The following PHGDH variants were observed in gnomAD, a reference collection of about 807,000 sequenced individuals.
The protein encoded by PHGDH is phosphoglycerate dehydrogenase.
Under a neutral mutation model 52.6 loss-of-function variants are expected in PHGDH, and 50 were observed. That is an observed-to-expected ratio of 0.95 (90% CI 0.76 to 1.20). The LOEUF (loss-of-function observed/expected upper bound fraction) is 1.20. Ranked by LOEUF, PHGDH falls within the 50% of genes most tolerant of loss-of-function variation. The pLI is 0.00. For missense variants in PHGDH, 630 were observed against 684.6 expected (o/e 0.92, Z 0.89); for synonymous variants, 271 against 280.5 (o/e 0.97, Z 0.34).
chr1:119,735,625 G>C (rs376605511), intron 7 of PHGDH, among the ~76,000 whole-genome samples, 182 bp downstream of exon 7: 5 of 152,240 alleles, frequency 3.3e-5, no homozygotes, highest in Non-Finnish European at 7.3e-5. Context: ...TCCTTGCGGA[G>C]CCTGGTATGG....
intron 5 of PHGDH, among the ~76,000 whole-genome samples, chr1:119,730,298 A>C (rs748809898): frequency 9.2e-5 from 14 of 152,216 alleles, no homozygotes; most frequent in Non-Finnish European, 1.9e-4. Flanking sequence ...AACCATTATT[A>C]AACTGGTAGA....
chr1:119,734,683 G>A lies in PHGDH; in HGVS notation c.560G>A (p.Gly187Asp), dbSNP rs764943870. The A allele has an allele frequency of 3.1e-6, 5 of 1,614,118 alleles. No individual in the cohort carries two copies. The highest frequency in any genetic ancestry group is 1.3e-5 in the African/African-American group (1 of 75,030). ...IISPEVSASFGVQQLPLEEIW... is the reference protein window; with the variant it reads ...IISPEVSASFDVQQLPLEEIW... ...TCCCCAGAGGTCTCGGCCTCCTTTG[G>A]TGTTCAGCAGCTGCCCCTGGAGGAG... is the stretch of plus-strand genomic sequence containing the variant. The change falls in exon 6 of 12, where the codon GGT (glycine) becomes GAT (aspartate). Residue 187 changes from glycine (G) to aspartate (D), a missense_variant. Coordinates refer to ENST00000641023, the MANE Select transcript of PHGDH (RefSeq NM_006623.4).
intron 7 of PHGDH, among the ~76,000 whole-genome samples, chr1:119,736,191 G>T (rs1378607947): frequency 1.3e-5 from 2 of 152,194 alleles, no homozygotes; most frequent in Non-Finnish European, 2.9e-5. Context: ...TGTACTCCCA[G>T]CCCAGGGCAC....
chr1:119,741,902 GC>G lies in PHGDH; in HGVS notation c.1209+9del, dbSNP rs776173839. ...GTGAAAGAGGCTGGCCTCAATGTGC[GC>G]CCCTCTCCCCCACGCTGCCTCCCCA... On this transcript the variant is annotated splice_donor_region_variant and intron_variant, in intron 10 of 11. Coordinates refer to ENST00000641023, the MANE Select transcript of PHGDH (RefSeq NM_006623.4). The G allele has an allele frequency of 2.1e-5, 34 of 1,612,112 alleles. No individual in the cohort carries two copies. The African/African-American group carries it at 4.5e-4, about 22-fold the overall frequency.
intron 2 of PHGDH, 55 bp from the exon 3 acceptor site, chr1:119,723,321 G>A: frequency 1.4e-5 from 19 of 1,334,748 alleles, no homozygotes; most frequent in Non-Finnish European, 2.1e-5. Context: ...CTTGGGGAAG[G>A]AGTGGGAATA....
rs1571013274 is a variant in PHGDH at position 119,737,221 on chromosome 1, TG to T, written c.901del (p.Val301PhefsTer7). On this transcript the variant is annotated frameshift_variant, in exon 8 of 12. Transcript: ENST00000641023. LOFTEE classifies it high-confidence loss of function. ...AQSRCGEEIAVQFVDMVKGKS... is the reference protein window; with the variant it reads ...AQSRCGEEIAXQFVDMVKGKS... ...AGAGCCGCTGTGGGGAGGAAATTGCTGTTCAGTTCGTGGACATGGTGAAGGG... is the reference window on the plus strand; with the variant it reads ...AGAGCCGCTGTGGGGAGGAAATTGCTTTCAGTTCGTGGACATGGTGAAGGG... The T allele has an allele frequency of 1.9e-6, 3 of 1,614,168 alleles. No homozygotes were observed. Among genetic ancestry groups the T allele is most frequent in the Non-Finnish European group, 2.5e-6 (3 of 1,180,018 alleles).
intron 1 of PHGDH, among the ~76,000 whole-genome samples, chr1:119,717,549 G>T (rs1002956618): frequency 6.6e-6 from 1 of 151,864 alleles, no homozygotes; most frequent in African/African-American, 2.4e-5. Context: ...AATTCATCTG[G>T]ATTTTTAAAA....
chr1:119,726,799 T>C, intron 3 of PHGDH, 52 bp from the exon 4 acceptor site: 1 of 1,478,510 alleles, frequency 6.8e-7, no homozygotes, highest in Non-Finnish European at 9.5e-7. Flanking sequence ...ATCTCCTTCC[T>C]GGGCTGGCGG....
In PHGDH at chr1:119,727,079, C is replaced by A; in HGVS notation, c.487C>A (p.Arg163=). 6.2e-7 allele frequency: 1 copy of A among 1,604,318 alleles called. No individual in the cohort carries two copies. Among genetic ancestry groups the A allele is most frequent in the South Asian group, 1.1e-5 (1 of 90,892 alleles). The change falls in exon 5 of 12, where the codon CGG becomes AGG. Residue 163 remains arginine (R), a synonymous_variant. Transcript: ENST00000641023. ...CAGGATTGGGAGAGAGGTAGCTACC[C>A]GGATGCAGTCCTTTGGGATGAAGGT... is the stretch of plus-strand genomic sequence containing the variant. ...LGRIGREVAT[R]MQSFGMKTIG...
At chr1:119,720,110 T>C (rs1347695126) in intron 1 of PHGDH, 1 of 152,180 alleles carries the variant, frequency 6.6e-6, no homozygotes, top group Non-Finnish European at 1.5e-5. Context: ...CCCCATTTCT[T>C]AGGGATTCTC....
chr1:119,743,663 A>G (rs1390237617), intron 11 of PHGDH, among the ~76,000 whole-genome samples: 1 of 152,212 alleles, frequency 6.6e-6, no homozygotes, highest in Non-Finnish European at 1.5e-5. Context: ...CAGAAAGTCA[A>G]GAGCTACAGC....
At chr1:119,723,296 C>A in intron 2 of PHGDH, 80 bp from the exon 3 acceptor site, 1 of 1,073,258 alleles carries the variant, frequency 9.3e-7, no homozygotes, top group South Asian at 1.2e-5. Context: ...ACACAGCCTG[C>A]ACTCAAGGCT....
intron 9 of PHGDH, 143 bp from the exon 10 acceptor site, chr1:119,741,624 T>A (rs757723265): frequency 1.3e-6 from 1 of 769,242 alleles, no homozygotes; most frequent in South Asian, 1.4e-5. Flanking sequence ...GAAGGGCGAG[T>A]GGACCTGCCT....
intron 5 of PHGDH, 199 bp from the exon 6 acceptor site, chr1:119,734,435 A>T (rs77434916): frequency 1.6e-6 from 1 of 626,252 alleles, no homozygotes; most frequent in Admixed American, 2.2e-5. Flanking sequence ...TAAGCTGATC[A>T]TGGTACTTAG....
chr1:119,735,522 G>A lies in PHGDH; in HGVS notation c.792+79G>A, dbSNP rs587664781. 88 of 1,410,710 alleles carry A rather than the reference G, an allele frequency of 6.2e-5. No homozygotes were observed. In the East Asian group the frequency reaches 6.5e-4, roughly 10 times the overall value. The allele number at this position is 1,410,710 out of a possible 1,614,324, so 87.4% of individuals were successfully genotyped here. ...AGGCCCATGGCAGGGAAAGCCTGGC[G>A]TTTTACAGAAAGCCTCTAGCTTATT... On this transcript the variant is annotated intron_variant, in intron 7 of 11. Coordinates refer to ENST00000641023, the MANE Select transcript of PHGDH (RefSeq NM_006623.4).
At chr1:119,723,295 G>T in intron 2 of PHGDH, 81 bp from the exon 3 acceptor site, 1 of 1,066,928 alleles carries the variant, frequency 9.4e-7, no homozygotes, top group Non-Finnish European at 1.5e-6. Context: ...AACACAGCCT[G>T]CACTCAAGGC....
intron 5 of PHGDH, chr1:119,727,498 T>G (rs1651485102): frequency 3.4e-6 from 1 of 293,370 alleles, no homozygotes; most frequent in Admixed American, 4.8e-5. Flanking sequence ...ACAGTACACC[T>G]CGGGAGAGAG....
At chr1:119,717,173 A>G (rs587653382) in intron 1 of PHGDH, among the ~76,000 whole-genome samples, 190 of 138,372 alleles carry the variant, frequency 1.4e-3, no homozygotes, top group Admixed American at 5.6e-3. Flanking sequence ...CGGAGGTTGC[A>G]GTGAGCCAAG....
chr1:119,732,755 C>T (rs903390561), intron 5 of PHGDH, among the ~76,000 whole-genome samples: 6 of 152,228 alleles, frequency 3.9e-5, no homozygotes. Flanking sequence ...TCTCCCCAAC[C>T]CCCTCCCTCC....
Sources: allele counts gnomAD v4.1 joint callset (sites outside exome capture counted in the v4.1 genomes callset), GRCh38; gene constraint gnomAD v4.1.1; transcripts MANE v1.5; gene names NCBI Gene and HGNC (gene_info 2026-07-23, HGNC 2026-07-21).